RALYL: variants seen among roughly 807,000 people sequenced by gnomAD.
The protein encoded by RALYL is RALY RNA binding protein like.
A neutral mutation model predicts 35.1 loss-of-function variants in RALYL; 29 were observed. The ratio of observed to expected loss-of-function variants is 0.83; its 90% CI spans 0.61 to 1.13. The LOEUF is 1.13. Among genes scored for constraint, RALYL ranks in the 50% most tolerant of loss-of-function variants. The pLI, the probability that RALYL is intolerant of heterozygous loss-of-function variation, is 0.00. For synonymous variants in RALYL, 120 were observed against 127.6 expected (o/e 0.94, Z 0.40); for missense variants, 359 against 360.4 (o/e 1.00, Z 0.03).
rs370551301 is a variant in RALYL at position 84,527,299 on chromosome 8, A to G, written c.-23-2000A>G. Among the ~76,000 whole-genome samples the G allele has an allele frequency of 1.4e-4, 21 of 152,336 alleles. 2 individuals are homozygous for G. The South Asian group carries it at 3.9e-3, about 29-fold the overall frequency. On this transcript the variant is annotated intron_variant, in intron 1 of 8. Transcript: ENST00000521268. ...GAGCAGAGTCCAAGATAGCATGTTG[A>G]CATTCACAGTGAGGATTCAGAGTAC...
chr8:84,868,103 G>A (rs1020419610), intron 6 of RALYL, among the ~76,000 whole-genome samples: 3 of 152,136 alleles, frequency 2.0e-5, no homozygotes, highest in Admixed American at 1.3e-4. Context: ...GATGGGCAGT[G>A]GGGGGTAGGA....
At chr8:84,535,550 C>A (rs1298869524) in intron 2 of RALYL, among the ~76,000 whole-genome samples, 2 of 151,966 alleles carry the variant, frequency 1.3e-5, no homozygotes, top group African/African-American at 4.8e-5. Context: ...ATTCTCCTGC[C>A]TCAGCCTCCT....
rs866159250 is a variant in RALYL at position 84,849,981 on chromosome 8, G to T, written c.367G>T (p.Gly123Cys). 8 of 1,475,886 alleles carry T rather than the reference G, an allele frequency of 5.4e-6. No individual in the cohort carries two copies. Among genetic ancestry groups the T allele is most frequent in the Non-Finnish European group, 7.2e-6 (8 of 1,105,808 alleles). The allele number at this position is 1,475,886 out of a possible 1,614,324, so 91.4% of individuals were successfully genotyped here. ...TAATTTTTTTGTTTCCCTCTTTAGC[G>T]GTTATGTCTTTGACTATGATTACTA... ...ESKEPFLSVG[G>C]YVFDYDYYRD... The change falls in exon 5 of 9, where the codon GGT (glycine) becomes TGT (cysteine). Residue 123 changes from glycine to cysteine, a missense_variant and splice_region_variant. Transcript: ENST00000521268.
chr8:84,261,621 A>C (rs1832325606), intron 1 of RALYL, among the ~76,000 whole-genome samples: 1 of 152,096 alleles, frequency 6.6e-6, no homozygotes, highest in Admixed American at 6.5e-5. Context: ...ACTGATATAA[A>C]TATTTAACAA....
intron 1 of RALYL, among the ~76,000 whole-genome samples, chr8:84,286,339 A>G (rs114023744): frequency 1.3e-5 from 2 of 152,336 alleles, no homozygotes; most frequent in African/African-American, 2.4e-5. Flanking sequence ...TGAGAGTTAG[A>G]TGTAACCAAG....
intron 4 of RALYL, among the ~76,000 whole-genome samples, chr8:84,819,983 C>CA (rs1360448368): frequency 6.6e-6 from 1 of 151,604 alleles, no homozygotes. Flanking sequence ...AACCCTGCCC[C>CA]AAAAAAATTT....
At chr8:84,756,592 G>A (rs1811460625) in intron 2 of RALYL, among the ~76,000 whole-genome samples, 1 of 152,070 alleles carries the variant, frequency 6.6e-6, no homozygotes, top group African/African-American at 2.4e-5. Flanking sequence ...CAACAGCCGG[G>A]CTGTTAACAT....
At chr8:84,665,770 A>G (rs957775404) in intron 2 of RALYL, 2 of 151,772 alleles carry the variant, frequency 1.3e-5, no homozygotes, top group Non-Finnish European at 2.9e-5. Context: ...GAAATACGGA[A>G]CACTTCACAA....
intron 2 of RALYL, among the ~76,000 whole-genome samples, chr8:84,717,186 C>CA (rs779304070): frequency 8.3e-4 from 126 of 152,088 alleles, no homozygotes; most frequent in Non-Finnish European, 1.6e-3. Context: ...GACTCCGTCT[C>CA]AAAAAAAGAT....
chr8:84,335,683 T>A (rs1283301593), intron 1 of RALYL, among the ~76,000 whole-genome samples: 2 of 150,554 alleles, frequency 1.3e-5, no homozygotes, highest in Non-Finnish European at 3.0e-5. Flanking sequence ...AGTGGTTTAA[T>A]ATTTCTAATA....
chr8:84,253,159 C>CTGTGTGTA lies in RALYL; in HGVS notation c.-24+68736_-24+68743dup, dbSNP rs574784652. On this transcript the variant is annotated intron_variant, in intron 1 of 8. Transcript: ENST00000521268. ...TAAATATGCGTTTGTGTGTATGTGT[C>CTGTGTGTA]TGTGTGTAGTTCTGCAGTTTTTTTT... is the stretch of plus-strand genomic sequence containing the variant. Among the ~76,000 whole-genome samples, 143 of 113,986 alleles carry CTGTGTGTA rather than the reference C, an allele frequency of 1.3e-3. 1 individual carries two copies. Among genetic ancestry groups the CTGTGTGTA allele is most frequent in the African/African-American group, 4.8e-3 (141 of 29,298 alleles). 74.8% of individuals were successfully genotyped at this position (113,986 alleles called of 152,430 possible). A position where few individuals can be genotyped will look rare whatever the true frequency, so the allele number is the denominator to read the frequency against.
At chr8:84,628,300 A>T (rs1054619409) in intron 2 of RALYL, among the ~76,000 whole-genome samples, 4 of 151,934 alleles carry the variant, frequency 2.6e-5, no homozygotes, top group African/African-American at 9.7e-5. Flanking sequence ...GCTCTTCCTC[A>T]TCTTTCAAGT....
intron 1 of RALYL, among the ~76,000 whole-genome samples, chr8:84,192,345 G>T (rs181027174): frequency 1.3e-5 from 2 of 152,282 alleles, no homozygotes; most frequent in East Asian, 3.9e-4. Context: ...CACTGTGGGA[G>T]GACTTTTCCA....
At chr8:84,532,367 T>G (rs1006975009) in intron 2 of RALYL, among the ~76,000 whole-genome samples, 12 of 152,074 alleles carry the variant, frequency 7.9e-5, no homozygotes, top group African/African-American at 2.4e-4. Flanking sequence ...TTTCTAGCTT[T>G]AAGTATTATA....
intron 4 of RALYL, among the ~76,000 whole-genome samples, chr8:84,822,159 G>C (rs886828843): frequency 1.3e-5 from 2 of 152,132 alleles, no homozygotes; most frequent in Admixed American, 6.5e-5. Flanking sequence ...TCAGTTAAGT[G>C]TATATTATAG....
intron 2 of RALYL, among the ~76,000 whole-genome samples, chr8:84,675,946 A>C (rs763388960): frequency 1.8e-4 from 27 of 152,200 alleles, no homozygotes; most frequent in Non-Finnish European, 3.7e-4. Flanking sequence ...GAATTGGTGA[A>C]TCTTAACTAA....
chr8:84,493,385 G>A (rs755414624), intron 1 of RALYL, among the ~76,000 whole-genome samples: 6 of 152,006 alleles, frequency 3.9e-5, no homozygotes, highest in African/African-American at 1.2e-4. Flanking sequence ...ATATGTGTGC[G>A]TGTATTTTTA....
At chr8:84,803,040 T>A (rs764970935) in intron 3 of RALYL, among the ~76,000 whole-genome samples, 8 of 152,046 alleles carry the variant, frequency 5.3e-5, no homozygotes, top group Non-Finnish European at 1.2e-4. Flanking sequence ...CCACTAAGAA[T>A]CACATACCAG....
intron 1 of RALYL, among the ~76,000 whole-genome samples, chr8:84,443,721 C>T (rs2048572522): frequency 1.3e-5 from 2 of 152,078 alleles, no homozygotes; most frequent in Admixed American, 6.6e-5. Flanking sequence ...TTTTGGGGTA[C>T]AGTATCTTCT....
Sources: gnomAD v4.1 joint callset for allele counts (sites outside exome capture counted in the v4.1 genomes callset) on GRCh38, gnomAD v4.1.1 for gene constraint, MANE v1.5 for transcripts, NCBI Gene and HGNC (gene_info 2026-07-23, HGNC 2026-07-21) for gene names.